The following DNAH9 variants were observed in gnomAD, a reference collection of about 807,000 sequenced individuals.
DNAH9 encodes the protein dynein axonemal heavy chain 9, also known as DNAH9 variant protein.
In DNAH9, 345 loss-of-function variants were observed where a neutral mutation model predicts 471.6. The observed-to-expected ratio is 0.73, with a 90% CI of 0.67 to 0.80. The LOEUF is 0.80. Among genes scored for constraint, DNAH9 ranks in the 30% least tolerant of loss-of-function variants. DNAH9 has a pLI of 0.00. For missense variants in DNAH9, 5,407 were observed against 5,609.2 expected (o/e 0.96, Z 1.15); for synonymous variants, 2,093 against 2,123.6 (o/e 0.99, Z 0.40).
At position 11,942,388 on chromosome 17, in the gene DNAH9, C is replaced by A. The variant is rs1438395556; in HGVS notation, c.12746C>A (p.Thr4249Asn). 1.2e-6 allele frequency: 2 copies of A among 1,614,186 alleles called. No homozygotes were observed. Among genetic ancestry groups the A allele is most frequent in the Admixed American group, 1.7e-5 (1 of 60,024 alleles). The change falls in exon 67 of 69, where the codon ACC becomes AAC. Residue 4249 changes from threonine to asparagine, a missense_variant. Thr to Asn is a moderately conservative substitution (Grantham distance 65). This residue lies in a region of DNAH9 where 4,636 missense variants were observed against 4,900.3 expected (regional missense o/e 0.95). Transcript: ENST00000262442. ...CTGATGGCCAAAGTGGAGGAGCGCACCCCTTACATTGTAGTTGCCTTCCAG... is the reference window on the plus strand; with the variant it reads ...CTGATGGCCAAAGTGGAGGAGCGCAACCCTTACATTGTAGTTGCCTTCCAG... ...PELMAKVEERTPYIVVAFQEC... is the reference protein window; with the variant it reads ...PELMAKVEERNPYIVVAFQEC...
chr17:11,701,271 T>A, intron 24 of DNAH9, 24 bp downstream of exon 24: 1 of 1,611,526 alleles, frequency 6.2e-7, no homozygotes, highest in Non-Finnish European at 8.5e-7. Flanking sequence ...GGGATCCCCA[T>A]CCTCCATGGT....
rs781598590 is a variant in DNAH9 at position 11,738,965 on chromosome 17, G to T, written c.5900G>T (p.Gly1967Val). ...GEEISLNPSV[G>V]IFITMNPGYA... ...GAGATCAGCCTGAATCCTTCTGTCG[G>T]TATCTTCATCACCATGAACCCAGGC... Residue 1967 changes from glycine (G) to valine (V), a missense_variant, in exon 29 of 69, where the codon GGT (glycine) becomes GTT (valine). By Grantham distance (109) the Gly-to-Val change is moderately radical. This residue lies in a region of DNAH9 where 4,636 missense variants were observed against 4,900.3 expected (regional missense o/e 0.95). Transcript: ENST00000262442. 1.6e-5 allele frequency: 26 copies of T among 1,613,932 alleles called. No individual in the cohort carries two copies. Among genetic ancestry groups the T allele is most frequent in the Non-Finnish European group, 2.0e-5 (24 of 1,179,936 alleles).
chr17:11,712,318 C>G (rs2074882934), intron 26 of DNAH9, among the ~76,000 whole-genome samples: 1 of 151,276 alleles, frequency 6.6e-6, no homozygotes, highest in Non-Finnish European at 1.5e-5. Context: ...ACCACATGCT[C>G]TTTATCCATT....
At chr17:11,887,194 C>T (rs1972907288) in intron 57 of DNAH9, among the ~76,000 whole-genome samples, 1 of 152,122 alleles carries the variant, frequency 6.6e-6, no homozygotes, top group Non-Finnish European at 1.5e-5. Context: ...AACAGGACAC[C>T]ACAGCAAGTC....
At chr17:11,673,454 C>T (rs999740673) in intron 17 of DNAH9, among the ~76,000 whole-genome samples, 2 of 152,186 alleles carry the variant, frequency 1.3e-5, no homozygotes, top group African/African-American at 4.8e-5. Flanking sequence ...TTCCTTTACA[C>T]ATTCTTAGTA....
At chr17:11,764,886 A>G (rs1967865986) in intron 36 of DNAH9, among the ~76,000 whole-genome samples, 1 of 152,208 alleles carries the variant, frequency 6.6e-6, no homozygotes, top group South Asian at 2.1e-4. Context: ...TTCCAAACTC[A>G]TCACATCATA....
At chr17:11,903,205 G>A (rs1333091728) in intron 60 of DNAH9, among the ~76,000 whole-genome samples, 2 of 152,194 alleles carry the variant, frequency 1.3e-5, no homozygotes, top group Admixed American at 6.5e-5. Context: ...CTGGCATGGT[G>A]ACAGGCACCT....
chr17:11,665,461 C>A (rs879917886), intron 15 of DNAH9, among the ~76,000 whole-genome samples: 1 of 152,088 alleles, frequency 6.6e-6, no homozygotes, highest in Admixed American at 6.5e-5. Context: ...AAGAGTCACA[C>A]AAGAAGTAGG....
chr17:11,840,517 T>C (rs4791478), intron 49 of DNAH9, among the ~76,000 whole-genome samples: 152,036 of 152,340 alleles, frequency 1, 75,867 homozygotes, highest in Middle Eastern at 1. Context: ...ACAAGAAGTA[T>C]AATTGCTTGA....
At chr17:11,966,572 G>C (rs975444382) in intron 68 of DNAH9, among the ~76,000 whole-genome samples, 2 of 152,192 alleles carry the variant, frequency 1.3e-5, no homozygotes, top group Admixed American at 1.3e-4. Flanking sequence ...AAGCATAAAA[G>C]ATAGTATAAA....
chr17:11,664,798 A>G (rs1487460652), intron 14 of DNAH9, 35 bp from the exon 15 acceptor site: 2 of 1,585,926 alleles, frequency 1.3e-6, no homozygotes, highest in Admixed American at 1.7e-5. Flanking sequence ...CATGCTATTA[A>G]ACGAGGTTTA....
chr17:11,665,096 G>A, intron 15 of DNAH9, 128 bp downstream of exon 15: 2 of 768,808 alleles, frequency 2.6e-6, no homozygotes, highest in Non-Finnish European at 4.3e-6. Context: ...TTTTGTGAAT[G>A]ATGCACAGGA....
intron 67 of DNAH9, among the ~76,000 whole-genome samples, chr17:11,949,494 T>C (rs1022098946): frequency 2.6e-5 from 4 of 151,368 alleles, no homozygotes; most frequent in African/African-American, 9.8e-5. Flanking sequence ...TTTTTTTTTT[T>C]CTTTGAGACG....
intron 1 of DNAH9, among the ~76,000 whole-genome samples, chr17:11,607,469 T>C (rs774347025): frequency 6.6e-6 from 1 of 152,192 alleles, no homozygotes; most frequent in Non-Finnish European, 1.5e-5. Context: ...CGCAATTGGC[T>C]AGTTTAAATC....
chr17:11,622,991 G>A (rs1195104623), intron 6 of DNAH9, among the ~76,000 whole-genome samples: 2 of 118,326 alleles, frequency 1.7e-5, no homozygotes, highest in African/African-American at 6.7e-5. Context: ...TTTTTTTCTC[G>A]AGATGGAGTT....
chr17:11,757,438 A>G lies in DNAH9; in HGVS notation c.6848-107A>G, dbSNP rs1967445221. The G allele has an allele frequency of 3.7e-6, 4 of 1,067,536 alleles. No homozygotes were observed. The East Asian group carries it at 9.8e-5, about 26-fold the overall frequency. The allele number at this position is 1,067,536 out of a possible 1,614,324, so 66.1% of individuals were successfully genotyped here. On this transcript the variant is annotated intron_variant, in intron 34 of 68. Transcript: ENST00000262442. ...CTTGGCCAAATCTCCTTTTCTTTTC[A>G]GTCCAGTCTTCTGTACATTTTCCAA... is the stretch of plus-strand genomic sequence containing the variant.
chr17:11,619,497 G>A, intron 5 of DNAH9, 51 bp from the exon 6 acceptor site: 2 of 1,066,090 alleles, frequency 1.9e-6, no homozygotes, highest in Non-Finnish European at 2.9e-6. Flanking sequence ...GTGTTGCAAA[G>A]TTACAGGATG....
chr17:11,757,531 C>G lies in DNAH9; in HGVS notation c.6848-14C>G. On this transcript the variant is annotated splice_polypyrimidine_tract_variant and intron_variant, in intron 34 of 68. Transcript: ENST00000262442. ...TATGGAATATTCACTAAACTGTATT[C>G]TCTGTGCTCACAGGGATCTTGTACA... 1 of 1,608,232 alleles carries G rather than the reference C, an allele frequency of 6.2e-7. No individual in the cohort carries two copies. The highest frequency in any genetic ancestry group is 1.1e-5 in the South Asian group (1 of 90,730).
At chr17:11,903,639 G>A (rs1311139251) in intron 60 of DNAH9, among the ~76,000 whole-genome samples, 3 of 152,146 alleles carry the variant, frequency 2.0e-5, no homozygotes, top group East Asian at 3.9e-4. Flanking sequence ...GCCCGGGCGC[G>A]GTGGCTCACG....
Sources: gnomAD v4.1 joint callset for allele counts (sites outside exome capture counted in the v4.1 genomes callset) on GRCh38, gnomAD v4.1.1 for gene constraint, gnomAD v4.1.1 regional missense constraint, MANE v1.5 for transcripts, NCBI Gene and HGNC (gene_info 2026-07-23, HGNC 2026-07-21) for gene names.